Variants in CNTN2 observed in about 807,000 individuals in gnomAD.
The protein encoded by CNTN2 is contactin-2.
A neutral mutation model predicts 117.5 loss-of-function variants in CNTN2; 53 were observed. The ratio of observed to expected loss-of-function variants is 0.45; its 90% CI spans 0.36 to 0.57. CNTN2 has a LOEUF of 0.57. Ranked by LOEUF, CNTN2 falls within the 20% of genes least tolerant of loss-of-function variation. CNTN2 has a pLI of 0.00. For missense variants in CNTN2, 1,106 were observed against 1,404.3 expected, an observed-to-expected ratio of 0.79 and a Z score of 3.39; for synonymous variants, 530 against 561.7, an observed-to-expected ratio of 0.94 and a Z score of 0.80.
At position 205,073,625 on chromosome 1, in the gene CNTN2, G is replaced by T; in HGVS notation, c.3014-31G>T. On this transcript the variant is annotated intron_variant, in intron 22 of 22. Coordinates refer to ENST00000331830, the MANE Select transcript of CNTN2 (RefSeq NM_005076.5). This position sits in a 1 kb window ranked among gnomAD's most constrained non-coding sequence, Gnocchi z 6.3. ...AAGGGTGGGGCTAGGGTAGTCCCAG[G>T]CCCAGCTGACTCAGCTTGTGCTGGT... The T allele has an allele frequency of 6.3e-7, 1 of 1,599,652 alleles. No individual in the cohort carries two copies.
In CNTN2 at chr1:205,058,019, G is replaced by GTC; in HGVS notation, c.170_171insCT (p.Leu58CysfsTer19). ...CCCAGAGGAGTCCACGGAGGAGCAG[G>GTC]TGTTGCTGGCATGCCGCGCCCGGGC... On this transcript the variant is annotated frameshift_variant, in exon 3 of 23. Coordinates refer to ENST00000331830, the MANE Select transcript of CNTN2 (RefSeq NM_005076.5). LOFTEE classifies it high-confidence loss of function. The surrounding 1 kb of genome is among the most constrained non-coding windows in gnomAD (Gnocchi z 4.3). 1 of 1,614,116 alleles carries GTC rather than the reference G, an allele frequency of 6.2e-7. No individual in the cohort carries two copies. The highest frequency in any genetic ancestry group is 8.5e-7 in the Non-Finnish European group (1 of 1,180,026).
intron 2 of CNTN2, among the ~76,000 whole-genome samples, chr1:205,053,488 A>G (rs1170175917): frequency 6.6e-6 from 1 of 152,202 alleles, no homozygotes; most frequent in Non-Finnish European, 1.5e-5. Flanking sequence ...AGAATGACCC[A>G]GAGAGGGTGA....
At chr1:205,066,740 C>A in intron 15 of CNTN2, 141 bp downstream of exon 15, 1 of 1,007,432 alleles carries the variant, frequency 9.9e-7, no homozygotes, top group Non-Finnish European at 1.4e-6. Context: ...CTGTCCTCTG[C>A]CAGCAGAGAG....
Position 205,065,128 on chromosome 1 carries a change from A to G in CNTN2, c.1561A>G (p.Asn521Asp). ...TCTAGCCCCCTCAAGTGCCGACATCAACTTGGGTGACAACCTGACCCTACA... is the reference window on the plus strand; with the variant it reads ...TCTAGCCCCCTCAAGTGCCGACATCGACTTGGGTGACAACCTGACCCTACA... ...ITLAPSSADINLGDNLTLQCH... is the reference protein window; with the variant it reads ...ITLAPSSADIDLGDNLTLQCH... The change falls in exon 13 of 23, where the codon AAC (asparagine) becomes GAC (aspartate). Residue 521 changes from asparagine (N) to aspartate (D), a missense_variant. By Grantham distance (23) the Asn-to-Asp change is conservative. Coordinates refer to ENST00000331830, the MANE Select transcript of CNTN2 (RefSeq NM_005076.5). The surrounding 1 kb of genome is among the most constrained non-coding windows in gnomAD (Gnocchi z 4.1). 1 of 1,614,020 alleles carries G rather than the reference A, an allele frequency of 6.2e-7. No individual in the cohort carries two copies. The highest frequency in any genetic ancestry group is 1.3e-5 in the African/African-American group (1 of 74,976).
At chr1:205,067,018 A>T (rs1654327594) in intron 15 of CNTN2, 83 bp from the exon 16 acceptor site, 1 of 1,495,408 alleles carries the variant, frequency 6.7e-7, no homozygotes, top group Non-Finnish European at 9.0e-7. Flanking sequence ...TGGGTAGATA[A>T]GGGGTGATTC....
rs1654910845 is a variant in CNTN2, at chr1:205,077,354, A to G, written c.*3589A>G. On this transcript the variant is annotated 3_prime_UTR_variant, in exon 23 of 23. Coordinates refer to ENST00000331830, the MANE Select transcript of CNTN2 (RefSeq NM_005076.5). ...GTTTGACTCCCTTAATCTCTTCCCC[A>G]GCTACAGAGGAATCTTTTCTCTGCC... 1 of 152,272 alleles carries G rather than the reference A, an allele frequency of 6.6e-6. No homozygotes were observed. Among genetic ancestry groups the G allele is most frequent in the Non-Finnish European group, 1.5e-5 (1 of 68,070 alleles). 9.4% of individuals were successfully genotyped at this position (152,272 alleles called of 1,614,324 possible).
intron 1 of CNTN2, among the ~76,000 whole-genome samples, chr1:205,052,543 G>A (rs1041455796): frequency 7.2e-5 from 11 of 152,312 alleles, no homozygotes; most frequent in East Asian, 1.9e-4. Context: ...CCAAGGTCAT[G>A]ACTCCACTGG....
chr1:205,069,528 T>C lies in CNTN2; in HGVS notation c.2163T>C (p.Gly721=), dbSNP rs756031843. The C allele has an allele frequency of 8.7e-6, 14 of 1,613,688 alleles. No individual in the cohort carries two copies. The Admixed American group carries it at 2.3e-4, about 27-fold the overall frequency. The change falls in exon 17 of 23, where the codon GGT becomes GGC. Residue 721 remains glycine, a synonymous_variant. Transcript: ENST00000331830. ...SVAPSGLSGG[G]GAPGELIVNW... is the part of the protein sequence containing the mutation. ...CACCCTCAGGACTCAGCGGAGGAGG[T>C]GGAGCCCCCGGAGAGCTCATCGTCA... is the stretch of plus-strand genomic sequence containing the variant.
At position 205,058,433 on chromosome 1, in the gene CNTN2, GGACA is replaced by G; in HGVS notation, c.391+78_391+81del. The G allele has an allele frequency of 6.5e-7, 1 of 1,535,840 alleles. No individual in the cohort carries two copies. The highest frequency in any genetic ancestry group is 8.8e-7 in the Non-Finnish European group (1 of 1,133,046). ...GGAGAAATTACTGAGAAAGGATAAG[GGACA>G]CCCTCAAGCCGGGCCTTCCTGACCT... On this transcript the variant is annotated intron_variant, in intron 4 of 22. Transcript: ENST00000331830. This position sits in a 1 kb window ranked among gnomAD's most constrained non-coding sequence, Gnocchi z 4.3.
In CNTN2 at chr1:205,048,737, G is replaced by T. The variant is rs140206244; in HGVS notation, c.-86-4363G>T. On this transcript the variant is annotated intron_variant, in intron 1 of 22. Transcript: ENST00000331830. This position sits in a 1 kb window ranked among gnomAD's most constrained non-coding sequence, Gnocchi z 4.1. ...AGCGCATTCTAGGCTGCACTCGGGC[G>T]GTCGGGGAGCTCTGTAGAGGCAGTA... Among the ~76,000 whole-genome samples the T allele has an allele frequency of 6.6e-6, 1 of 152,174 alleles. No individual in the cohort carries two copies. Among genetic ancestry groups the T allele is most frequent in the Admixed American group, 6.5e-5 (1 of 15,290 alleles).
chr1:205,065,306 G>A lies in CNTN2; in HGVS notation c.1695+44G>A, dbSNP rs3901740. 1.2e-6 allele frequency: 2 copies of A among 1,606,254 alleles called. No individual in the cohort carries two copies. Among genetic ancestry groups the A allele is most frequent in the South Asian group, 1.1e-5 (1 of 90,504 alleles). ...GCCCCATGGCTTCTCCCTCCTTCTA[G>A]AGAGACAGGGGCCCCAAGATGTCCT... On this transcript the variant is annotated intron_variant, in intron 13 of 22. Transcript: ENST00000331830. The surrounding 1 kb of genome is among the most constrained non-coding windows in gnomAD (Gnocchi z 4.1).
intron 1 of CNTN2, among the ~76,000 whole-genome samples, chr1:205,046,640 G>A (rs893955781): frequency 2.0e-5 from 3 of 152,194 alleles, no homozygotes; most frequent in Non-Finnish European, 2.9e-5. Flanking sequence ...AGGAACTGGG[G>A]GGAGCCTCCT....
At position 205,077,411 on chromosome 1, in the gene CNTN2, T is replaced by C. The variant is rs147161756; in HGVS notation, c.*3646T>C. 4 of 152,366 alleles carry C rather than the reference T, an allele frequency of 2.6e-5. No individual in the cohort carries two copies. The highest frequency in any genetic ancestry group is 4.1e-4 in the South Asian group (2 of 4,826). 9.4% of individuals were successfully genotyped at this position (152,366 alleles called of 1,614,324 possible). ...CAGAATGGGACTGCCAACTGGCTCA[T>C]TGGTGGGAGACACAGTATCCTCAAA... On this transcript the variant is annotated 3_prime_UTR_variant, in exon 23 of 23. Coordinates refer to ENST00000331830, the MANE Select transcript of CNTN2 (RefSeq NM_005076.5).
chr1:205,069,629 A>T (rs535425666), intron 17 of CNTN2, 68 bp downstream of exon 17: 4 of 1,539,250 alleles, frequency 2.6e-6, no homozygotes, highest in Non-Finnish European at 3.6e-6. Flanking sequence ...CAGCTGCAGA[A>T]AGGACCACTG....
rs764265358 is a variant in CNTN2 at position 205,067,121 on chromosome 1, A to T, written c.1996A>T (p.Asn666Tyr). 6 of 1,612,036 alleles carry T rather than the reference A, an allele frequency of 3.7e-6. No individual in the cohort carries two copies. The East Asian group carries it at 1.3e-4, about 36-fold the overall frequency. Residue 666 changes from asparagine to tyrosine, a missense_variant, in exon 16 of 23, where the codon AAT (asparagine) becomes TAT (tyrosine). Coordinates refer to ENST00000331830, the MANE Select transcript of CNTN2 (RefSeq NM_005076.5). ...VRTNPANIEG[N>Y]AETAQVLGLT... ...TGCAGATCCTGCAAACATCGAGGGC[A>T]ATGCCGAGACTGCACAGGTGCTGGG...
intron 1 of CNTN2, among the ~76,000 whole-genome samples, chr1:205,046,341 C>CGTAG (rs2096441557): frequency 6.6e-6 from 1 of 152,326 alleles, no homozygotes; most frequent in African/African-American, 2.4e-5. Context: ...CAGTTCACTA[C>CGTAG]GTAGGTGGGG....
At chr1:205,070,146 C>A in intron 18 of CNTN2, 85 bp downstream of exon 18, 1 of 1,342,176 alleles carries the variant, frequency 7.5e-7, no homozygotes, top group Non-Finnish European at 1.0e-6. Context: ...TACTCATCTC[C>A]CAGCTCAGTT....
intron 2 of CNTN2, among the ~76,000 whole-genome samples, chr1:205,054,471 G>A (rs574798084): frequency 4.5e-4 from 69 of 152,226 alleles, no homozygotes; most frequent in Non-Finnish European, 8.8e-4. Context: ...ACAGGGATGG[G>A]AAGCCTCAAC....
intron 1 of CNTN2, among the ~76,000 whole-genome samples, chr1:205,046,919 C>T (rs764784622): frequency 3.9e-5 from 6 of 152,148 alleles, no homozygotes; most frequent in Non-Finnish European, 5.9e-5. Context: ...CCACTCCCTA[C>T]TTTAAAGGGT....
Sources: gnomAD v4.1 joint callset for allele counts (sites outside exome capture counted in the v4.1 genomes callset) on GRCh38, gnomAD v4.1.1 for gene constraint, Gnocchi (gnomAD v3.1) non-coding constraint, MANE v1.5 for transcripts, NCBI Gene and HGNC (gene_info 2026-07-23, HGNC 2026-07-21) for gene names.